RBFOX1: variants seen among roughly 807,000 people sequenced by gnomAD.
The protein encoded by RBFOX1 is RNA binding fox-1 homolog 1.
Under a neutral mutation model 57.7 loss-of-function variants are expected in RBFOX1, and 8 were observed. The ratio of observed to expected loss-of-function variants is 0.14; its 90% CI spans 0.08 to 0.25. RBFOX1 has a LOEUF of 0.25. RBFOX1 is among the 10% of genes least tolerant of loss of function. The pLI is 1.00. For synonymous variants in RBFOX1, 326 were observed against 222.4 expected, an observed-to-expected ratio of 1.47 and a Z score of -4.15; for missense variants, 611 against 548.5, an observed-to-expected ratio of 1.11 and a Z score of -1.14.
chr16:6,306,355 C>T (rs1481111821), intron 1 of RBFOX1, among the ~76,000 whole-genome samples: 1 of 152,138 alleles, frequency 6.6e-6, no homozygotes, highest in African/African-American at 2.4e-5. Flanking sequence ...CTGCTGGAGC[C>T]GGGCAAGTTG....
chr16:7,106,866 G>T (rs1246668625), intron 4 of RBFOX1, among the ~76,000 whole-genome samples: 1 of 152,066 alleles, frequency 6.6e-6, no homozygotes, highest in Non-Finnish European at 1.5e-5. Context: ...ATTAATTCAT[G>T]AAACAAGTAT....
chr16:6,321,634 T>C (rs2081808552), intron 2 of RBFOX1, among the ~76,000 whole-genome samples: 1 of 152,232 alleles, frequency 6.6e-6, no homozygotes, highest in Non-Finnish European at 1.5e-5. Flanking sequence ...TCTACTGTAG[T>C]GCTGGCCCAT....
At chr16:5,954,088 C>A (rs2059575782) in intron 4 of RBFOX1, among the ~76,000 whole-genome samples, 1 of 152,186 alleles carries the variant, frequency 6.6e-6, no homozygotes, top group Admixed American at 6.5e-5. Context: ...CACAGGACAG[C>A]CCCCTGCCAT....
intron 4 of RBFOX1, among the ~76,000 whole-genome samples, chr16:7,059,843 A>C (rs2153745127): frequency 6.6e-6 from 1 of 152,288 alleles, no homozygotes; most frequent in Middle Eastern, 3.4e-3. Context: ...TAATTACATT[A>C]GTTAGTGGAA....
In RBFOX1 at chr16:5,856,260, TG is replaced by T. The variant is rs1169053579; in HGVS notation, c.319-11042del. 9.0e-5 allele frequency among the ~76,000 whole-genome samples: 3 copies of T among 33,168 alleles called. 1 individual carries two copies. Among genetic ancestry groups the T allele is most frequent in the Non-Finnish European group, 1.2e-4 (2 of 17,186 alleles). 21.8% of individuals were successfully genotyped at this position (33,168 alleles called of 152,430 possible). A position where few individuals can be genotyped will look rare whatever the true frequency, so the allele number is the denominator to read the frequency against. On this transcript the variant is annotated intron_variant, in intron 3 of 19. Transcript: ENST00000641259. ...ATATGTGTATATATATGTATATATA[TG>T]TATATATATATACACATATATATAC...
intron 4 of RBFOX1, among the ~76,000 whole-genome samples, chr16:7,206,016 G>A (rs1168332378): frequency 6.6e-6 from 1 of 152,218 alleles, no homozygotes; most frequent in African/African-American, 2.4e-5. Flanking sequence ...CACAGGTGTG[G>A]CTTGCCCACC....
intron 13 of RBFOX1, among the ~76,000 whole-genome samples, chr16:7,671,888 G>A (rs928214713): frequency 6.6e-6 from 1 of 152,228 alleles, no homozygotes; most frequent in Admixed American, 6.5e-5. Context: ...GTTAGATCCT[G>A]AGTGTGTCAA....
At chr16:6,395,512 A>G (rs1234547770) in intron 2 of RBFOX1, among the ~76,000 whole-genome samples, 1 of 152,004 alleles carries the variant, frequency 6.6e-6, no homozygotes, top group Non-Finnish European at 1.5e-5. Context: ...GTAGATATTT[A>G]AGTTCTTACT....
At chr16:6,984,721 A>C (rs1259334086) in intron 3 of RBFOX1, among the ~76,000 whole-genome samples, 2 of 152,008 alleles carry the variant, frequency 1.3e-5, no homozygotes, top group African/African-American at 2.4e-5. Context: ...TCTCACTGCA[A>C]CCTCTGCCTC....
chr16:7,493,097 T>C (rs1006361378), intron 4 of RBFOX1, among the ~76,000 whole-genome samples: 2 of 152,288 alleles, frequency 1.3e-5, no homozygotes, highest in East Asian at 1.9e-4. Context: ...CAGGCTGGTC[T>C]CAAACTCCTG....
rs138557034 is a variant in RBFOX1 at position 6,435,302 on chromosome 16, G to GTTTTTTGT, written c.-64+118249_-64+118250insTTGTTTTT. Among the ~76,000 whole-genome samples, 4 of 151,268 alleles carry GTTTTTTGT rather than the reference G, an allele frequency of 2.6e-5. 1 individual carries two copies. The highest frequency in any genetic ancestry group is 9.7e-5 in the African/African-American group (4 of 41,038). On this transcript the variant is annotated intron_variant, in intron 2 of 15. Coordinates refer to ENST00000550418, the MANE Select transcript of RBFOX1 (RefSeq NM_018723.4). Reference sequence around the variant, plus strand: ...ATTGTTGTTATTGTTGTTGTTTTTTGTTTTGTTTTTGTTTTTGAGACAGTG... The same window carrying GTTTTTTGT: ...ATTGTTGTTATTGTTGTTGTTTTTTGTTTTTTGTTTTTGTTTTTGTTTTTGAGACAGTG...
chr16:7,525,000 A>G (rs552143482), intron 5 of RBFOX1, among the ~76,000 whole-genome samples: 1 of 152,204 alleles, frequency 6.6e-6, no homozygotes, highest in African/African-American at 2.4e-5. Flanking sequence ...AACATGTCCT[A>G]ATACCCACAA....
chr16:7,214,591 G>C (rs1037519308), intron 4 of RBFOX1, among the ~76,000 whole-genome samples: 1 of 152,018 alleles, frequency 6.6e-6, no homozygotes, highest in African/African-American at 2.4e-5. Flanking sequence ...CTCATCGTCT[G>C]CAGCCAGAGT....
At chr16:6,168,746 G>A (rs1244256350) in intron 1 of RBFOX1, among the ~76,000 whole-genome samples, 2 of 152,014 alleles carry the variant, frequency 1.3e-5, no homozygotes, top group Non-Finnish European at 2.9e-5. Flanking sequence ...GGAAGGAGTT[G>A]TGTTTAACTC....
intron 3 of RBFOX1, among the ~76,000 whole-genome samples, chr16:6,902,932 C>G (rs116067615): frequency 6.1e-4 from 93 of 152,296 alleles, no homozygotes; most frequent in African/African-American, 2.0e-3. Context: ...CTACTCTTTA[C>G]TTGTTCGGGG....
intron 1 of RBFOX1, among the ~76,000 whole-genome samples, chr16:6,101,477 T>C (rs1032305923): frequency 1.3e-5 from 2 of 151,958 alleles, no homozygotes; most frequent in Non-Finnish European, 2.9e-5. Flanking sequence ...TAAATTATTA[T>C]TATTATTTTA....
intron 4 of RBFOX1, among the ~76,000 whole-genome samples, chr16:7,199,433 C>T (rs1382637487): frequency 1.3e-5 from 2 of 152,114 alleles, no homozygotes; most frequent in African/African-American, 4.8e-5. Context: ...TTCAAAATGT[C>T]TTTGGAAATG....
chr16:5,983,510 G>A (rs1273100659), intron 4 of RBFOX1, among the ~76,000 whole-genome samples: 3 of 152,148 alleles, frequency 2.0e-5, no homozygotes, highest in Non-Finnish European at 2.9e-5. Flanking sequence ...TGGGGTAGGC[G>A]GGGAAAAACC....
intron 1 of RBFOX1, among the ~76,000 whole-genome samples, chr16:5,427,583 TCAAAACAAAACAAAA>T (rs4039609): frequency 0.027 from 3,971 of 148,702 alleles, 81 homozygotes; most frequent in East Asian, 0.05. Flanking sequence ...AGACTCTGTC[TCAAAACAAAACAAAA>T]CAAAACAAAA....
Sources: allele counts gnomAD v4.1 joint callset (sites outside exome capture counted in the v4.1 genomes callset), GRCh38; gene constraint gnomAD v4.1.1; transcripts MANE v1.5; gene names NCBI Gene and HGNC (gene_info 2026-07-23, HGNC 2026-07-21).